The following ASPRV1 variants were observed in gnomAD, a reference collection of about 807,000 sequenced individuals.
ASPRV1 encodes the protein retroviral-like aspartic protease 1.
A neutral mutation model predicts 11.0 loss-of-function variants in ASPRV1; 7 were observed. That is an observed-to-expected ratio of 0.64 (90% CI 0.36 to 1.20). The LOEUF is 1.20. Among genes scored for constraint, ASPRV1 ranks in the 50% most tolerant of loss-of-function variants. The pLI is 0.02. For synonymous variants in ASPRV1, 136 were observed against 138.4 expected (o/e 0.98, Z 0.12); for missense variants, 299 against 320.0 (o/e 0.93, Z 0.50).
chr2:69,955,518 A>G (rs1677917785), downstream of ASPRV1, among the ~76,000 whole-genome samples: 1 of 152,196 alleles, frequency 6.6e-6, no homozygotes, highest in African/African-American at 2.4e-5. Flanking sequence ...CTTCTCTTCC[A>G]TAGGTGCATG....
chr2:69,966,168 G>C (rs932660788), upstream of ASPRV1, among the ~76,000 whole-genome samples: 3 of 152,240 alleles, frequency 2.0e-5, no homozygotes, highest in Non-Finnish European at 4.4e-5. Flanking sequence ...GACCAACCAA[G>C]AGTTGGTCAG....
chr2:70,071,775 A>T, the ASPRV1 span: 2 of 151,164 alleles, frequency 1.3e-5, no homozygotes, highest in Non-Finnish European at 2.9e-5. Flanking sequence ...AATTAAATTA[A>T]TGAGAAGTCT....
At chr2:69,996,323 T>A in the ASPRV1 span, among the ~76,000 whole-genome samples, 2 of 146,132 alleles carry the variant, frequency 1.4e-5, no homozygotes, top group African/African-American at 5.1e-5. Context: ...GCCCAGGAGG[T>A]CAAAGCTGCA....
chr2:70,034,231 G>GT, the ASPRV1 span, among the ~76,000 whole-genome samples: 1 of 142,224 alleles, frequency 7.0e-6, no homozygotes, highest in Non-Finnish European at 1.5e-5. Flanking sequence ...TTATTTATAT[G>GT]TTTTTTGAGA....
chr2:70,072,327 G>A, the ASPRV1 span, among the ~76,000 whole-genome samples: 1 of 152,024 alleles, frequency 6.6e-6, no homozygotes, highest in Non-Finnish European at 1.5e-5. Flanking sequence ...CTGAGGCAGG[G>A]GGATCACTTG....
chr2:70,051,595 A>G, the ASPRV1 span, among the ~76,000 whole-genome samples: 2 of 152,228 alleles, frequency 1.3e-5, no homozygotes, highest in Non-Finnish European at 2.9e-5. Flanking sequence ...CCAAATGTCC[A>G]ACAAATTCAT....
chr2:70,075,567 C>A, the ASPRV1 span, among the ~76,000 whole-genome samples: 1 of 152,104 alleles, frequency 6.6e-6, no homozygotes, highest in African/African-American at 2.4e-5. Context: ...CAACGTGTGG[C>A]CAGGCACAGT....
the ASPRV1 span, among the ~76,000 whole-genome samples, chr2:70,013,469 C>T: frequency 2.6e-5 from 4 of 152,158 alleles, no homozygotes; most frequent in African/African-American, 4.8e-5. Flanking sequence ...AGACTGAATA[C>T]AAAAACAGAT....
At chr2:69,989,308 A>G in the ASPRV1 span, among the ~76,000 whole-genome samples, 1 of 152,244 alleles carries the variant, frequency 6.6e-6, no homozygotes, top group African/African-American at 2.4e-5. Context: ...GGCCTTTTAT[A>G]AGACATTTAA....
the ASPRV1 span, among the ~76,000 whole-genome samples, chr2:69,948,246 TCAAA>T: frequency 9.9e-5 from 15 of 152,260 alleles, no homozygotes; most frequent in South Asian, 2.1e-4. Flanking sequence ...AGACCCTGTC[TCAAA>T]CAAACAATCA....
chr2:70,074,501 C>T, the ASPRV1 span, among the ~76,000 whole-genome samples: 2 of 151,370 alleles, frequency 1.3e-5, no homozygotes, highest in Non-Finnish European at 2.9e-5. Flanking sequence ...ATTGGCCAGG[C>T]TCCTGACCTC....
At chr2:70,040,482 T>G in the ASPRV1 span, among the ~76,000 whole-genome samples, 2 of 152,184 alleles carry the variant, frequency 1.3e-5, no homozygotes, top group African/African-American at 4.8e-5. Flanking sequence ...CCTGAGACTT[T>G]CCCTAACAGC....
upstream of ASPRV1, chr2:69,962,022 G>A: frequency 3.6e-6 from 1 of 275,332 alleles, no homozygotes; most frequent in Non-Finnish European, 7.4e-6. Context: ...ACTACTTTGA[G>A]TGGTCAAAGG....
the ASPRV1 span, among the ~76,000 whole-genome samples, chr2:70,025,438 G>A: frequency 1.3e-5 from 2 of 152,006 alleles, no homozygotes; most frequent in East Asian, 3.8e-4. Context: ...AGGAGGAGGA[G>A]GAGGAAGAGA....
the ASPRV1 span, among the ~76,000 whole-genome samples, chr2:70,022,999 A>T: frequency 9.2e-5 from 14 of 152,214 alleles, no homozygotes; most frequent in Admixed American, 4.6e-4. Context: ...GCTTCTCCAC[A>T]GAATACAGAA....
the ASPRV1 span, among the ~76,000 whole-genome samples, chr2:70,000,788 C>CAAAAAAAAAAAAAAAAA: frequency 1.0e-3 from 43 of 42,044 alleles, no homozygotes; most frequent in African/African-American, 2.0e-3. Flanking sequence ...GACCCTGCCT[C>CAAAAAAAAAAAAAAAAA]AAAAAAAAAA....
downstream of ASPRV1, among the ~76,000 whole-genome samples, chr2:69,959,085 C>T (rs1465142589): frequency 2.0e-5 from 3 of 152,156 alleles, no homozygotes; most frequent in Non-Finnish European, 4.4e-5. Context: ...GCAGCTGATC[C>T]TGGCTCAGAT....
At chr2:69,961,951 G>A (rs1367530411), upstream of ASPRV1, 3 of 402,496 alleles carry the variant, frequency 7.5e-6, no homozygotes, top group Non-Finnish European at 1.4e-5. Context: ...AGGGGAGGCA[G>A]GGACCAGACG....
At chr2:69,988,703 C>T in the ASPRV1 span, 4 of 448,538 alleles carry the variant, frequency 8.9e-6, no homozygotes, top group East Asian at 7.0e-5. Context: ...TATTTTACCA[C>T]AATTAGAAAC....
Sources: allele counts gnomAD v4.1 joint callset (sites outside exome capture counted in the v4.1 genomes callset), GRCh38; gene constraint gnomAD v4.1.1; transcripts MANE v1.5; gene names NCBI Gene and HGNC (gene_info 2026-07-23, HGNC 2026-07-21).